SLC1A1: variants seen among roughly 807,000 people sequenced by gnomAD.
SLC1A1 encodes the protein solute carrier family 1 member 1, also known as excitatory amino acid transporter 3.
SLC1A1 carries 43 observed loss-of-function variants against 53.3 expected under a neutral mutation model. The ratio of observed to expected loss-of-function variants is 0.81; its 90% CI spans 0.63 to 1.04. The LOEUF is 1.04. Ranked by LOEUF, SLC1A1 falls within the 50% of genes least tolerant of loss-of-function variation. The pLI, the probability that SLC1A1 is intolerant of heterozygous loss-of-function variation, is 0.00. For synonymous variants in SLC1A1, 307 were observed against 243.2 expected, an observed-to-expected ratio of 1.26 and a Z score of -2.44; for missense variants, 748 against 664.9, an observed-to-expected ratio of 1.12 and a Z score of -1.37.
At chr9:4,537,852 G>T (rs1297317156) in intron 1 of SLC1A1, among the ~76,000 whole-genome samples, 5 of 152,026 alleles carry the variant, frequency 3.3e-5, no homozygotes, top group African/African-American at 1.2e-4. Context: ...ATTGGTGACA[G>T]TTGTACAACA....
At chr9:4,547,335 C>T (rs757229799) in intron 2 of SLC1A1, among the ~76,000 whole-genome samples, 5 of 152,176 alleles carry the variant, frequency 3.3e-5, no homozygotes, top group Non-Finnish European at 5.9e-5. Flanking sequence ...GTAGTTTCTC[C>T]ACTTTTCCTC....
chr9:4,528,078 T>G (rs571639494), intron 1 of SLC1A1, among the ~76,000 whole-genome samples: 54 of 152,254 alleles, frequency 3.5e-4, no homozygotes, highest in Non-Finnish European at 6.9e-4. Flanking sequence ...GTAGCTTCTG[T>G]TATGCCAGGG....
At chr9:4,552,547 G>A (rs532455828) in intron 2 of SLC1A1, among the ~76,000 whole-genome samples, 1 of 152,196 alleles carries the variant, frequency 6.6e-6, no homozygotes, top group Non-Finnish European at 1.5e-5. Flanking sequence ...TTGCCAAGGG[G>A]ACTGGACTTG....
intron 1 of SLC1A1, among the ~76,000 whole-genome samples, chr9:4,505,045 C>CTTTTTTTTTTTT (rs3038189): frequency 3.5e-5 from 4 of 115,016 alleles, no homozygotes; most frequent in Non-Finnish European, 5.1e-5. Context: ...ACATATATTT[C>CTTTTTTTTTTTT]TTTTTTTTTT....
chr9:4,560,339 G>A (rs929242121), intron 2 of SLC1A1, among the ~76,000 whole-genome samples: 16 of 152,188 alleles, frequency 1.1e-4, no homozygotes, highest in African/African-American at 3.4e-4. Flanking sequence ...ACAGCCACAT[G>A]ACAGATTACT....
intron 6 of SLC1A1, 130 bp downstream of exon 6, chr9:4,567,897 GTGTGACC>G (rs1433665061): frequency 2.2e-5 from 16 of 723,110 alleles, no homozygotes; most frequent in Non-Finnish European, 2.8e-5. Flanking sequence ...TAAAATTTAT[GTGTGACC>G]CCAAAATCCA....
At chr9:4,580,639 G>GTGTGTGTGTA (rs59952075) in intron 10 of SLC1A1, among the ~76,000 whole-genome samples, 3 of 142,702 alleles carry the variant, frequency 2.1e-5, no homozygotes, top group African/African-American at 7.9e-5. Context: ...GTGTGTGTGT[G>GTGTGTGTGTA]TGTGTGTGTG....
chr9:4,585,185 G>T, intron 11 of SLC1A1, 127 bp from the exon 12 acceptor site: 1 of 1,268,578 alleles, frequency 7.9e-7, no homozygotes, highest in Admixed American at 1.8e-5. Flanking sequence ...CAGTCAGTCA[G>T]CCATGAGGAC....
intron 1 of SLC1A1, among the ~76,000 whole-genome samples, chr9:4,497,519 CAG>C (rs1820475902): frequency 6.6e-6 from 1 of 152,164 alleles, no homozygotes; most frequent in Admixed American, 6.5e-5. Flanking sequence ...ATTTATGACC[CAG>C]AGAGTTAGTA....
At chr9:4,551,510 TG>T (rs1410086029) in intron 2 of SLC1A1, among the ~76,000 whole-genome samples, 2 of 152,242 alleles carry the variant, frequency 1.3e-5, no homozygotes, top group African/African-American at 4.8e-5. Flanking sequence ...ATCACTTTGT[TG>T]TACAACTTGC....
intron 1 of SLC1A1, among the ~76,000 whole-genome samples, chr9:4,516,133 A>C (rs1050396963): frequency 1.3e-5 from 2 of 152,204 alleles, no homozygotes; most frequent in Non-Finnish European, 2.9e-5. Flanking sequence ...GAAATGACCT[A>C]TAATCTATGA....
chr9:4,570,744 G>A (rs1204730327), intron 6 of SLC1A1, among the ~76,000 whole-genome samples: 4 of 151,894 alleles, frequency 2.6e-5, no homozygotes, highest in African/African-American at 9.7e-5. Context: ...TTTTACCCAG[G>A]ATAAAGTGAA....
rs973875244 is a variant in SLC1A1 at position 4,557,392 on chromosome 9, T to C, written c.233-4057T>C. On this transcript the variant is annotated intron_variant, in intron 2 of 11. Coordinates refer to ENST00000262352, the MANE Select transcript of SLC1A1 (RefSeq NM_004170.6). Reference sequence around the variant, plus strand: ...TAAGCTATAGTTTGTTCATTCGACATTGTCGAGCACCCACTAAATGCTAAA... The same window carrying C: ...TAAGCTATAGTTTGTTCATTCGACACTGTCGAGCACCCACTAAATGCTAAA... Among the ~76,000 whole-genome samples the C allele has an allele frequency of 2.6e-5, 4 of 152,224 alleles. No individual in the cohort carries two copies. In the South Asian group the frequency reaches 8.3e-4, roughly 32 times the overall value.
In SLC1A1 at chr9:4,567,675, A is replaced by G; in HGVS notation, c.490A>G (p.Thr164Ala). 1 of 1,609,660 alleles carries G rather than the reference A, an allele frequency of 6.2e-7. No homozygotes were observed. Among genetic ancestry groups the G allele is most frequent in the Non-Finnish European group, 8.5e-7 (1 of 1,176,184 alleles). ...GATTTTCTCCAACATGCAGTACAAA[A>G]CTAAGCGTGAAGAAGTGAAGCCTCC... ...LVQACFQQYK[T>A]KREEVKPPSD... The change falls in exon 6 of 12, where the codon ACT becomes GCT. Residue 164 changes from threonine to alanine, a missense_variant. Physicochemically the swap from Thr to Ala is moderately conservative, Grantham distance 58. Transcript: ENST00000262352.
At chr9:4,573,479 G>A (rs969199767) in intron 7 of SLC1A1, among the ~76,000 whole-genome samples, 3 of 152,256 alleles carry the variant, frequency 2.0e-5, no homozygotes, top group Middle Eastern at 6.8e-3. Flanking sequence ...ATCACTTCCA[G>A]TACTAATACT....
chr9:4,533,700 T>G (rs1816564111), intron 1 of SLC1A1, among the ~76,000 whole-genome samples: 1 of 152,174 alleles, frequency 6.6e-6, no homozygotes, highest in Admixed American at 6.5e-5. Context: ...AACTCAGCTC[T>G]GCACCAAGCA....
In SLC1A1 at chr9:4,586,325, A is replaced by G. The variant is rs1303176983; in HGVS notation, c.*767A>G. 2.0e-5 allele frequency: 3 copies of G among 152,190 alleles called. No homozygotes were observed. The highest frequency in any genetic ancestry group is 4.4e-5 in the Non-Finnish European group (3 of 68,030). The allele number at this position is 152,190 out of a possible 1,614,324, so 9.4% of individuals were successfully genotyped here. The stretch of plus-strand genomic sequence containing the variant: ...GAGTTCTCCTTGTACTTGAATAATA[A>G]CCACGATTCCAACCCAGGTCTGCTT... On this transcript the variant is annotated 3_prime_UTR_variant, in exon 12 of 12. Coordinates refer to ENST00000262352, the MANE Select transcript of SLC1A1 (RefSeq NM_004170.6).
chr9:4,547,123 A>G (rs1817560639), intron 2 of SLC1A1, among the ~76,000 whole-genome samples: 1 of 152,216 alleles, frequency 6.6e-6, no homozygotes, highest in Non-Finnish European at 1.5e-5. Flanking sequence ...ATAACAAGTG[A>G]GTTTTGTTTT....
intron 3 of SLC1A1, among the ~76,000 whole-genome samples, chr9:4,563,318 C>T (rs781575954): frequency 6.6e-6 from 1 of 151,990 alleles, no homozygotes; most frequent in Admixed American, 6.6e-5. Context: ...TGAACTGTAC[C>T]ATAAAACAAA....
Sources: allele counts gnomAD v4.1 joint callset (sites outside exome capture counted in the v4.1 genomes callset), GRCh38; gene constraint gnomAD v4.1.1; transcripts MANE v1.5; gene names NCBI Gene and HGNC (gene_info 2026-07-23, HGNC 2026-07-21).